Variants in RYR2 observed in about 807,000 individuals in gnomAD.
RYR2 encodes cardiac muscle ryanodine receptor-calcium release channel.
A neutral mutation model predicts 601.1 loss-of-function variants in RYR2; 227 were observed. The ratio of observed to expected loss-of-function variants is 0.38; its 90% CI spans 0.34 to 0.42. The LOEUF is 0.42. Ranked by LOEUF, RYR2 falls within the 10% of genes least tolerant of loss-of-function variation. The pLI, the probability that RYR2 is intolerant of heterozygous loss-of-function variation, is 1.00. For synonymous variants in RYR2, 2,223 were observed against 2,175.1 expected, an observed-to-expected ratio of 1.02 and a Z score of -0.61; for missense variants, 4,646 against 6,156.5, an observed-to-expected ratio of 0.75 and a Z score of 8.21.
chr1:237,436,455 T>G (rs918159415), intron 12 of RYR2, among the ~76,000 whole-genome samples: 1 of 68,630 alleles, frequency 1.5e-5, no homozygotes, highest in Non-Finnish European at 2.5e-5. Flanking sequence ...GTGATTTTCC[T>G]TTTTTTTTTT....
chr1:237,634,380 T>C (rs1424261259), intron 43 of RYR2, among the ~76,000 whole-genome samples: 1 of 152,160 alleles, frequency 6.6e-6, no homozygotes, highest in Admixed American at 6.5e-5. Flanking sequence ...AAAAACCACA[T>C]GATCTCACTT....
chr1:237,384,704 T>A (rs2149830769), intron 8 of RYR2, among the ~76,000 whole-genome samples: 1 of 152,310 alleles, frequency 6.6e-6, no homozygotes, highest in South Asian at 2.1e-4. Flanking sequence ...ACAGCAAATA[T>A]ATAAATGTGA....
chr1:237,700,543 C>A (rs1687878934), intron 65 of RYR2, 76 bp downstream of exon 65: 1 of 719,722 alleles, frequency 1.4e-6, no homozygotes, highest in Non-Finnish European at 2.3e-6. Flanking sequence ...ACAGTAATAG[C>A]CACATCTGGG....
intron 97 of RYR2, among the ~76,000 whole-genome samples, chr1:237,799,549 G>A (rs950134416): frequency 6.6e-6 from 1 of 152,126 alleles, no homozygotes; most frequent in African/African-American, 2.4e-5. Flanking sequence ...GTACCAAGAA[G>A]TTCATATGGC....
rs1262480455 is a variant in RYR2 at position 237,784,051 on chromosome 1, C to A, written c.12339C>A (p.Thr4113=). Residue 4113 remains threonine, a synonymous_variant, in exon 90 of 105, where the codon ACC becomes ACA. Coordinates refer to ENST00000366574, the MANE Select transcript of RYR2 (RefSeq NM_001035.3). This position sits in a 1 kb window ranked among gnomAD's most constrained non-coding sequence, Gnocchi z 7.1. ...TNLSEHMPND[T]RLQTFLELAE... ...TCTCTGAGCACATGCCCAACGATAC[C>A]CGACTTCAGACTTTTCTGGAATTAG... The A allele has an allele frequency of 5.6e-6, 9 of 1,613,874 alleles. No individual in the cohort carries two copies. In the Admixed American group the frequency reaches 1.5e-4, roughly 27 times the overall value.
In RYR2 at chr1:237,242,789, G is replaced by A. The variant is rs138284076; in HGVS notation, c.49-27708G>A. 1.8e-3 allele frequency among the ~76,000 whole-genome samples: 271 copies of A among 152,284 alleles called. 1 individual carries two copies. The highest frequency in any genetic ancestry group is 6.4e-3 in the African/African-American group (264 of 41,560). On this transcript the variant is annotated intron_variant, in intron 1 of 104. Coordinates refer to ENST00000366574, the MANE Select transcript of RYR2 (RefSeq NM_001035.3). Reference sequence around the variant, plus strand: ...GAATTGGAATTTGAAAGTTGTCAATGCTGTGTTGATTTACTCGAGTTACTG... The same window carrying A: ...GAATTGGAATTTGAAAGTTGTCAATACTGTGTTGATTTACTCGAGTTACTG...
intron 1 of RYR2, among the ~76,000 whole-genome samples, chr1:237,268,935 CAA>C (rs1160004017): frequency 2.7e-3 from 43 of 16,214 alleles, no homozygotes; most frequent in African/African-American, 7.4e-3. Context: ...ACTCTTGTCT[CAA>C]AAAAAAAAAA....
chr1:237,341,177 A>G (rs1230208343), intron 3 of RYR2, among the ~76,000 whole-genome samples: 1 of 152,176 alleles, frequency 6.6e-6, no homozygotes, highest in African/African-American at 2.4e-5. Context: ...TTCAATTTGG[A>G]CATCTTCCTC....
Position 237,773,583 on chromosome 1 carries a change from C to A in RYR2, c.11710C>A (p.Arg3904=), listed in dbSNP as rs998659755. ...GKDVIDEQGQ[R]NFSKAIQVAK... ...AGATGTTATTGATGAACAAGGACAA[C>A]GGAATTTCTCCAAAGCTATCCAAGT... The change falls in exon 87 of 105, where the codon CGG becomes AGG. Residue 3904 remains arginine (R), a synonymous_variant. Coordinates refer to ENST00000366574, the MANE Select transcript of RYR2 (RefSeq NM_001035.3). 6.2e-7 allele frequency: 1 copy of A among 1,604,958 alleles called. No individual in the cohort carries two copies. The highest frequency in any genetic ancestry group is 2.2e-5 in the East Asian group (1 of 44,734).
In RYR2 at chr1:237,767,202, T is replaced by C. The variant is rs182400798; in HGVS notation, c.11477-3605T>C. On this transcript the variant is annotated intron_variant, in intron 84 of 104. Coordinates refer to ENST00000366574, the MANE Select transcript of RYR2 (RefSeq NM_001035.3). ...CAATGGTTTTCCTTTGATTCTTAAA[T>C]TGATGAAAACAAGCACGAGTTCACA... Among the ~76,000 whole-genome samples, 4 of 152,266 alleles carry C rather than the reference T, an allele frequency of 2.6e-5. No homozygotes were observed. In the East Asian group the frequency reaches 5.8e-4, roughly 22 times the overall value.
chr1:237,639,170 C>T lies in RYR2; in HGVS notation c.7084C>T (p.Pro2362Ser). Reference protein sequence around the residue: ...KIAEDPSRDGPSPNSGSSKTL... With the variant: ...KIAEDPSRDGSSPNSGSSKTL... The stretch of plus-strand genomic sequence containing the variant: ...CGCCGAGGATCCTTCCCGAGATGGT[C>T]CCTCACCAAATAGCGGATCCAGTAA... The change falls in exon 46 of 105, where the codon CCC becomes TCC. Residue 2362 changes from proline (P) to serine (S), a missense_variant. Around this residue, in one of 17 missense-constraint regions of RYR2, gnomAD observed 1,497 missense variants for 1,842.6 expected, o/e 0.81. Coordinates refer to ENST00000366574, the MANE Select transcript of RYR2 (RefSeq NM_001035.3). 1.2e-6 allele frequency: 2 copies of T among 1,613,570 alleles called. No homozygotes were observed. Among genetic ancestry groups the T allele is most frequent in the Admixed American group, 1.7e-5 (1 of 59,994 alleles).
intron 20 of RYR2, 146 bp from the exon 21 acceptor site, chr1:237,500,565 A>G (rs1664526343): frequency 1.6e-6 from 1 of 644,500 alleles, no homozygotes; most frequent in African/African-American, 1.8e-5. Context: ...TTTAACATGT[A>G]ACATGCGTTT....
chr1:237,588,582 C>T (rs79811444), intron 29 of RYR2, among the ~76,000 whole-genome samples: 6,951 of 152,200 alleles, frequency 0.046, 230 homozygotes, highest in Middle Eastern at 0.15. Flanking sequence ...CCTGTAATCC[C>T]AGCACTTCGG....
chr1:237,294,676 T>C (rs939696135), intron 2 of RYR2, among the ~76,000 whole-genome samples: 3 of 152,204 alleles, frequency 2.0e-5, no homozygotes, highest in Admixed American at 6.5e-5. Flanking sequence ...CACACGCATA[T>C]ACATTTTCAA....
chr1:237,722,298 G>A (rs1012065089), intron 73 of RYR2, among the ~76,000 whole-genome samples: 1 of 152,066 alleles, frequency 6.6e-6, no homozygotes, highest in Non-Finnish European at 1.5e-5. Context: ...CAAAGAGTAT[G>A]ATAAATCTCA....
Position 237,819,262 on chromosome 1 carries a change from C to G in RYR2, c.14590+70C>G. 1 of 1,434,690 alleles carries G rather than the reference C, an allele frequency of 7.0e-7. No homozygotes were observed. Among genetic ancestry groups the G allele is most frequent in the Middle Eastern group, 2.1e-4 (1 of 4,652 alleles). The allele number at this position is 1,434,690 out of a possible 1,614,324, so 88.9% of individuals were successfully genotyped here. On this transcript the variant is annotated intron_variant, in intron 101 of 104. Coordinates refer to ENST00000366574, the MANE Select transcript of RYR2 (RefSeq NM_001035.3). This position sits in a 1 kb window ranked among gnomAD's most constrained non-coding sequence, Gnocchi z 4.0. The stretch of plus-strand genomic sequence containing the variant: ...GCCACATGTTGCTGAAGTTAATATT[C>G]AAGGTAGGGTAATGACGTCAAGTGT...
At chr1:237,577,891 C>T (rs1673444110) in intron 29 of RYR2, among the ~76,000 whole-genome samples, 1 of 152,160 alleles carries the variant, frequency 6.6e-6, no homozygotes, top group Non-Finnish European at 1.5e-5. Flanking sequence ...CAACCTCTAC[C>T]TCCCGGGTTC....
chr1:237,247,767 A>G (rs1457655992), intron 1 of RYR2, among the ~76,000 whole-genome samples: 1 of 152,160 alleles, frequency 6.6e-6, no homozygotes, highest in Non-Finnish European at 1.5e-5. Context: ...AAAGAAAAAA[A>G]TCATTGTTTT....
chr1:237,446,617 A>G (rs1328200221), intron 14 of RYR2, among the ~76,000 whole-genome samples: 3 of 152,018 alleles, frequency 2.0e-5, no homozygotes, highest in South Asian at 2.1e-4. Flanking sequence ...TACTTCTTTT[A>G]TAAACCATCT....
Sources: allele counts gnomAD v4.1 joint callset (sites outside exome capture counted in the v4.1 genomes callset), GRCh38; gene constraint gnomAD v4.1.1; regional missense constraint gnomAD v4.1.1; non-coding constraint Gnocchi (gnomAD v3.1); transcripts MANE v1.5; gene names NCBI Gene and HGNC (gene_info 2026-07-23, HGNC 2026-07-21).